The following PRH1 variants were observed in gnomAD, a reference collection of about 807,000 sequenced individuals.
PRH1 encodes salivary acidic proline-rich phosphoprotein 1/2.
Under a neutral mutation model 7.9 loss-of-function variants are expected in PRH1, and 7 were observed. That is an observed-to-expected ratio of 0.89 (90% CI 0.50 to 1.67). The LOEUF (loss-of-function observed/expected upper bound fraction) is 1.67. Among genes scored for constraint, PRH1 ranks in the 40% most tolerant of loss-of-function variants. The pLI is 0.00. For synonymous variants in PRH1, 45 were observed against 80.8 expected (o/e 0.56, Z 2.38); for missense variants, 109 against 223.6 (o/e 0.49, Z 3.27).
At chr12:11,044,649 A>C (rs1942841740) in intron 1 of PRH1, among the ~76,000 whole-genome samples, 1 of 152,164 alleles carries the variant, frequency 6.6e-6, no homozygotes, top group Non-Finnish European at 1.5e-5. Context: ...TTGAATATGC[A>C]TTTCTCAAAA....
At chr12:10,887,063 T>C (rs1949502858), upstream of PRH1, among the ~76,000 whole-genome samples, 1 of 152,246 alleles carries the variant, frequency 6.6e-6, no homozygotes, top group Non-Finnish European at 1.5e-5. Flanking sequence ...TCTTCTGCAC[T>C]TGTGATAAGA....
chr12:10,961,674 T>C (rs1001624587), intron 2 of PRH1, among the ~76,000 whole-genome samples: 2 of 152,184 alleles, frequency 1.3e-5, no homozygotes, highest in Admixed American at 6.5e-5. Flanking sequence ...GAGGTCTGTC[T>C]TTCATAACAG....
chr12:10,888,024 G>A (rs1949519604), upstream of PRH1, among the ~76,000 whole-genome samples: 1 of 152,164 alleles, frequency 6.6e-6, no homozygotes, highest in African/African-American at 2.4e-5. Context: ...AGATCCACCT[G>A]TCAAGGCTGA....
chr12:10,935,336 C>T (rs938582930), intron 2 of PRH1, among the ~76,000 whole-genome samples: 3 of 151,974 alleles, frequency 2.0e-5, no homozygotes, highest in Admixed American at 6.6e-5. Context: ...CTTATCCTGA[C>T]ATTAAAAAAT....
At chr12:11,171,406 C>T (rs1176453160) in intron 1 of PRH1, 38 of 1,231,948 alleles carry the variant, frequency 3.1e-5, no homozygotes, top group Non-Finnish European at 1.8e-5. Context: ...GCCTCAAGCC[C>T]CGCCGCGACA....
At chr12:11,024,450 T>A (rs370513473) in intron 1 of PRH1, among the ~76,000 whole-genome samples, 2,573 of 93,880 alleles carry the variant, frequency 0.027, 18 homozygotes, top group South Asian at 0.06. Context: ...TGGTCTTTTT[T>A]TAATATTCTT....
intron 2 of PRH1, among the ~76,000 whole-genome samples, chr12:10,947,568 C>T (rs748340932): frequency 1.6e-4 from 24 of 151,984 alleles, no homozygotes; most frequent in Non-Finnish European, 3.1e-4. Context: ...ACCATTGGGT[C>T]TTGCTTTTTT....
chr12:10,897,529 A>G (rs1047168420), intron 2 of PRH1, among the ~76,000 whole-genome samples: 3 of 152,218 alleles, frequency 2.0e-5, no homozygotes, highest in Non-Finnish European at 4.4e-5. Context: ...TTGCATTGCT[A>G]TAAAGAAACA....
intron 1 of PRH1, among the ~76,000 whole-genome samples, chr12:10,983,697 C>T (rs914449160): frequency 1.3e-5 from 2 of 152,186 alleles, no homozygotes; most frequent in Non-Finnish European, 2.9e-5. Context: ...GCTGTGGTTT[C>T]CCCTTGCAGC....
At chr12:10,983,918 T>C (rs1019899467) in intron 1 of PRH1, among the ~76,000 whole-genome samples, 4 of 152,226 alleles carry the variant, frequency 2.6e-5, no homozygotes, top group Non-Finnish European at 5.9e-5. Flanking sequence ...ACATCAGACA[T>C]TGGCTCTAGT....
At chr12:10,991,124 A>G (rs1264572520) in intron 1 of PRH1, among the ~76,000 whole-genome samples, 2 of 152,230 alleles carry the variant, frequency 1.3e-5, no homozygotes, top group Non-Finnish European at 2.9e-5. Context: ...GCACACAGAA[A>G]GTAACTAAGG....
chr12:10,927,630 T>C (rs1950141488), intron 2 of PRH1, among the ~76,000 whole-genome samples: 1 of 152,242 alleles, frequency 6.6e-6, no homozygotes, highest in African/African-American at 2.4e-5. Flanking sequence ...CTTCTTGTTT[T>C]GTTATCTGCA....
At chr12:11,006,371 C>CTTTTTT (rs199571634) in intron 1 of PRH1, 29 of 123,190 alleles carry the variant, frequency 2.4e-4, no homozygotes, top group Admixed American at 3.5e-4. Context: ...TTCTCCTTTT[C>CTTTTTT]TTTTTTTTTT....
At chr12:11,077,151 T>C (rs1477197929) in intron 1 of PRH1, 1 of 122,068 alleles carries the variant, frequency 8.2e-6, no homozygotes, top group Admixed American at 8.2e-5. Flanking sequence ...TTTATACACA[T>C]GCACACATAT....
chr12:11,007,559 C>T (rs1414387353), intron 1 of PRH1, among the ~76,000 whole-genome samples: 1 of 151,948 alleles, frequency 6.6e-6, no homozygotes, highest in African/African-American at 2.4e-5. Flanking sequence ...CTCTTGACTC[C>T]CTCATCCTTT....
intron 1 of PRH1, among the ~76,000 whole-genome samples, chr12:10,994,025 C>T (rs193057520): frequency 1.3e-5 from 2 of 152,278 alleles, no homozygotes; most frequent in Non-Finnish European, 2.9e-5. Flanking sequence ...AAGCACAAGA[C>T]CCTGTGCAAC....
chr12:11,109,603 A>G (rs1000367650), intron 1 of PRH1, among the ~76,000 whole-genome samples: 5 of 152,192 alleles, frequency 3.3e-5, no homozygotes, highest in Non-Finnish European at 5.9e-5. Flanking sequence ...GAAAATCAAC[A>G]AACAAAAAGG....
chr12:10,938,642 A>C, intron 2 of PRH1: 1 of 1,614,014 alleles, frequency 6.2e-7, no homozygotes, highest in South Asian at 1.1e-5. Flanking sequence ...AGTAAAGGGT[A>C]TGAAAATGAA....
intron 1 of PRH1, among the ~76,000 whole-genome samples, chr12:11,131,569 A>T (rs1946341904): frequency 1.1e-5 from 1 of 89,008 alleles, no homozygotes; most frequent in Non-Finnish European, 2.8e-5. Context: ...AATTCACAAT[A>T]GAAAAAAATA....
Sources: allele counts gnomAD v4.1 joint callset (sites outside exome capture counted in the v4.1 genomes callset), GRCh38; gene constraint gnomAD v4.1.1; transcripts MANE v1.5; gene names NCBI Gene and HGNC (gene_info 2026-07-23, HGNC 2026-07-21).